Variants in NEBL observed in about 807,000 individuals in gnomAD.
NEBL encodes the protein nebulette.
In NEBL, 122 loss-of-function variants were observed where a neutral mutation model predicts 140.2. The observed-to-expected ratio is 0.87, with a 90% CI of 0.75 to 1.01. NEBL has a LOEUF of 1.01. Ranked by LOEUF, NEBL falls within the 50% of genes least tolerant of loss-of-function variation. The pLI, the probability that NEBL is intolerant of heterozygous loss-of-function variation, is 0.00. For synonymous variants in NEBL, 436 were observed against 398.9 expected (o/e 1.09, Z -1.11); for missense variants, 1,365 against 1,231.3 (o/e 1.11, Z -1.62).
At chr10:21,122,161 G>A (rs1264342822) in intron 2 of NEBL, among the ~76,000 whole-genome samples, 1 of 152,044 alleles carries the variant, frequency 6.6e-6, no homozygotes, top group Non-Finnish European at 1.5e-5. Context: ...AAGTAGCTGG[G>A]ATTACAGGCA....
chr10:20,836,732 C>T (rs1315542791), intron 13 of NEBL, among the ~76,000 whole-genome samples: 1 of 151,904 alleles, frequency 6.6e-6, no homozygotes, highest in Non-Finnish European at 1.5e-5. Context: ...CTAGCAGGGA[C>T]TCTGGCCTTG....
At chr10:21,021,450 T>G (rs1468264558) in intron 2 of NEBL, among the ~76,000 whole-genome samples, 1 of 152,208 alleles carries the variant, frequency 6.6e-6, no homozygotes, top group Non-Finnish European at 1.5e-5. Context: ...CTTCTCACTG[T>G]GAAAACTGCA....
At chr10:20,800,934 A>G (rs1423714784) in intron 26 of NEBL, among the ~76,000 whole-genome samples, 2 of 152,170 alleles carry the variant, frequency 1.3e-5, no homozygotes, top group African/African-American at 2.4e-5. Context: ...ATAGCGTTTA[A>G]GTCTCCTACA....
In NEBL at chr10:20,819,535, G is replaced by C. The variant is rs757757486; in HGVS notation, c.1963-19C>G. The C allele has an allele frequency of 6.2e-7, 1 of 1,613,642 alleles. No individual in the cohort carries two copies. The highest frequency in any genetic ancestry group is 1.7e-5 in the Admixed American group (1 of 60,008). On this transcript the variant is annotated intron_variant, in intron 19 of 27. Transcript: ENST00000377122. ...ACTGGAGCTGAGAGACAAGGTGCAA[G>C]ACAGTTTGAGATTATGGGAAATAAA...
chr10:20,986,443 T>TGAGC (rs1466974175), intron 3 of NEBL, among the ~76,000 whole-genome samples: 1 of 152,222 alleles, frequency 6.6e-6, no homozygotes, highest in Non-Finnish European at 1.5e-5. Flanking sequence ...AGATCCTAAC[T>TGAGC]GAGCAACTTA....
rs1171920373 is a variant in NEBL at position 21,158,857 on chromosome 10, G to A, written c.164+13526C>T. 2.0e-5 allele frequency among the ~76,000 whole-genome samples: 3 copies of A among 152,160 alleles called. No individual in the cohort carries two copies. In the East Asian group the frequency reaches 5.8e-4, roughly 29 times the overall value. On this transcript the variant is annotated intron_variant, in intron 2 of 6. Transcript: ENST00000417816. ...TAGGAATTGCATGAAAGCTAAATAG[G>A]ATTTTTTTCTGTCATCGTTTATTAT...
intron 2 of NEBL, among the ~76,000 whole-genome samples, chr10:21,131,122 A>G (rs1490547351): frequency 6.6e-6 from 1 of 152,208 alleles, no homozygotes; most frequent in Non-Finnish European, 1.5e-5. Flanking sequence ...CCCTATGCTC[A>G]CACATTTATT....
intron 1 of NEBL, among the ~76,000 whole-genome samples, chr10:21,282,890 C>T (rs1240480013): frequency 6.6e-6 from 1 of 152,022 alleles, no homozygotes; most frequent in Non-Finnish European, 1.5e-5. Context: ...TTTGGGAGGC[C>T]GAGGCAGGCA....
chr10:21,153,993 A>G (rs1480631072), intron 2 of NEBL, among the ~76,000 whole-genome samples: 1 of 152,192 alleles, frequency 6.6e-6, no homozygotes, highest in Non-Finnish European at 1.5e-5. Context: ...CATGATATAC[A>G]TATTTTTCAG....
chr10:21,159,648 A>T (rs781254862), intron 2 of NEBL, among the ~76,000 whole-genome samples: 1 of 152,246 alleles, frequency 6.6e-6, no homozygotes, highest in Non-Finnish European at 1.5e-5. Context: ...TCTGGACAAG[A>T]GGCACATGGT....
chr10:21,053,768 C>T (rs960175733), intron 2 of NEBL, among the ~76,000 whole-genome samples: 1 of 152,082 alleles, frequency 6.6e-6, no homozygotes, highest in Non-Finnish European at 1.5e-5. Flanking sequence ...CATGGTGGCT[C>T]AAATCTGTAA....
chr10:21,040,748 G>T (rs1311654423), intron 2 of NEBL, among the ~76,000 whole-genome samples: 2 of 152,118 alleles, frequency 1.3e-5, no homozygotes, highest in African/African-American at 4.8e-5. Flanking sequence ...CAATGTTGGA[G>T]AAGGGGCCTC....
In NEBL at chr10:20,958,031, G is replaced by A. The variant is rs139177766; in HGVS notation, c.357+3641C>T. Among the ~76,000 whole-genome samples, 299 of 152,294 alleles carry A rather than the reference G, an allele frequency of 2.0e-3. 2 individuals are homozygous for A. Among genetic ancestry groups the A allele is most frequent in the African/African-American group, 6.7e-3 (278 of 41,560 alleles). ...TGAGTCCCTTGAATGTCTGGCGATG[G>A]TTGTGCTTTGAGATCCTGCTGCAGG... On this transcript the variant is annotated intron_variant, in intron 4 of 6. Transcript: ENST00000417816.
chr10:20,829,264 T>G (rs535599554), intron 16 of NEBL, among the ~76,000 whole-genome samples: 2 of 152,124 alleles, frequency 1.3e-5, no homozygotes, highest in Non-Finnish European at 2.9e-5. Context: ...CCATAAAAAA[T>G]GATGAGTTCA....
At chr10:21,157,970 G>A (rs574008611) in intron 2 of NEBL, among the ~76,000 whole-genome samples, 2 of 152,196 alleles carry the variant, frequency 1.3e-5, no homozygotes, top group Admixed American at 1.3e-4. Flanking sequence ...AAGGACAGGG[G>A]CCTGAAACAG....
chr10:20,992,759 C>T (rs1589116429), intron 3 of NEBL, among the ~76,000 whole-genome samples: 4 of 126,582 alleles, frequency 3.2e-5, no homozygotes, highest in South Asian at 5.7e-4. Context: ...TTTGCAACTA[C>T]AAAGTCTTTT....
intron 3 of NEBL, among the ~76,000 whole-genome samples, chr10:20,971,122 T>C (rs1015832426): frequency 6.6e-6 from 1 of 152,226 alleles, no homozygotes; most frequent in African/African-American, 2.4e-5. Flanking sequence ...CAGGTCTTTC[T>C]GTTGAAGTCA....
chr10:21,186,442 G>A (rs1841473483), intron 3 of NEBL, among the ~76,000 whole-genome samples: 1 of 152,084 alleles, frequency 6.6e-6, no homozygotes, highest in African/African-American at 2.4e-5. Flanking sequence ...CGAAGGATTT[G>A]TTCCAGGACT....
At chr10:20,896,817 C>T (rs967393252) in intron 2 of NEBL, 141 bp downstream of exon 2, 24 of 808,574 alleles carry the variant, frequency 3.0e-5, no homozygotes, top group African/African-American at 5.1e-5. Flanking sequence ...CTGAAAATTT[C>T]AGGACTTTGT....
Sources: gnomAD v4.1 joint callset for allele counts (sites outside exome capture counted in the v4.1 genomes callset) on GRCh38, gnomAD v4.1.1 for gene constraint, MANE v1.5 for transcripts, NCBI Gene and HGNC (gene_info 2026-07-23, HGNC 2026-07-21) for gene names.